PDE1A: variants seen among roughly 807,000 people sequenced by gnomAD.
The protein encoded by PDE1A is phosphodiesterase 1A.
PDE1A carries 35 observed loss-of-function variants against 61.7 expected under a neutral mutation model. The ratio of observed to expected loss-of-function variants is 0.57; its 90% CI spans 0.43 to 0.75. The LOEUF (loss-of-function observed/expected upper bound fraction) is 0.75, where lower values mean the gene tolerates loss of function less well. PDE1A is among the 30% of genes least tolerant of loss of function. PDE1A has a pLI of 0.00. For synonymous variants in PDE1A, 232 were observed against 213.2 expected, an observed-to-expected ratio of 1.09 and a Z score of -0.77; for missense variants, 597 against 630.6, an observed-to-expected ratio of 0.95 and a Z score of 0.57.
At chr2:182,209,264 A>T (rs186655889) in intron 7 of PDE1A, among the ~76,000 whole-genome samples, 1 of 152,168 alleles carries the variant, frequency 6.6e-6, no homozygotes, top group Admixed American at 6.5e-5. Flanking sequence ...AATGAGAACC[A>T]AGTGAAACAG....
At chr2:182,590,404 G>A in the PDE1A span, among the ~76,000 whole-genome samples, 1 of 151,970 alleles carries the variant, frequency 6.6e-6, no homozygotes, top group East Asian at 1.9e-4. Flanking sequence ...GGAGTTCAGG[G>A]CTGCAGTGAG....
the PDE1A span, among the ~76,000 whole-genome samples, chr2:182,551,334 A>G: frequency 6.6e-6 from 1 of 152,144 alleles, no homozygotes; most frequent in East Asian, 1.9e-4. Context: ...CAATAATGGG[A>G]TAATGTTGGA....
chr2:182,481,863 C>T (rs901726604), intron 2 of PDE1A, among the ~76,000 whole-genome samples: 8 of 151,890 alleles, frequency 5.3e-5, no homozygotes, highest in East Asian at 1.9e-4. Flanking sequence ...TAAGAGGCAT[C>T]TACTAGTTGG....
At chr2:182,589,283 G>GGAAGGAAGGAAA in the PDE1A span, among the ~76,000 whole-genome samples, 233 of 147,492 alleles carry the variant, frequency 1.6e-3, 1 homozygote, top group African/African-American at 5.6e-3. Context: ...AAGGAAGGAA[G>GGAAGGAAGGAAA]GAAGGAAGGA....
At chr2:182,603,012 T>C in the PDE1A span, among the ~76,000 whole-genome samples, 1 of 151,812 alleles carries the variant, frequency 6.6e-6, no homozygotes, top group Non-Finnish European at 1.5e-5. Context: ...CATACATACA[T>C]ACATACATAC....
At chr2:182,392,716 G>A (rs1341458702) in intron 1 of PDE1A, among the ~76,000 whole-genome samples, 18 of 152,250 alleles carry the variant, frequency 1.2e-4, no homozygotes, top group Admixed American at 1.2e-3. Context: ...TACCAAATGG[G>A]AGAAATTGGC....
At chr2:182,351,025 T>G (rs924380663) in intron 1 of PDE1A, among the ~76,000 whole-genome samples, 3 of 152,246 alleles carry the variant, frequency 2.0e-5, no homozygotes, top group African/African-American at 7.2e-5. Context: ...TGGTAAAAGA[T>G]GTTTTTGCTT....
the PDE1A span, among the ~76,000 whole-genome samples, chr2:182,604,010 C>T: frequency 6.6e-6 from 1 of 151,574 alleles, no homozygotes; most frequent in Non-Finnish European, 1.5e-5. Flanking sequence ...ATATACTATT[C>T]CTAGAAATTT....
chr2:182,525,666 CA>C (rs1394225258), upstream of PDE1A, among the ~76,000 whole-genome samples: 11 of 152,244 alleles, frequency 7.2e-5, no homozygotes, highest in Middle Eastern at 3.4e-3. Context: ...TTACAGCCTG[CA>C]GAACCATGAG....
intron 13 of PDE1A, among the ~76,000 whole-genome samples, chr2:182,185,191 GA>G (rs1553525331): frequency 6.6e-6 from 1 of 152,142 alleles, no homozygotes; most frequent in Non-Finnish European, 1.5e-5. Flanking sequence ...AAACTTCCAA[GA>G]GGCCATTGTG....
intron 1 of PDE1A, among the ~76,000 whole-genome samples, chr2:182,302,159 A>AT (rs1695285418): frequency 6.6e-6 from 1 of 152,146 alleles, no homozygotes; most frequent in African/African-American, 2.4e-5. Context: ...AGCCCTTAAC[A>AT]TTTCCATACA....
At chr2:182,647,118 A>G in the PDE1A span, among the ~76,000 whole-genome samples, 1 of 152,130 alleles carries the variant, frequency 6.6e-6, no homozygotes. Flanking sequence ...CCGAATTAGG[A>G]TTTTTAAGGC....
intron 1 of PDE1A, among the ~76,000 whole-genome samples, chr2:182,362,339 G>A (rs1194364838): frequency 4.6e-5 from 7 of 151,664 alleles, no homozygotes; most frequent in African/African-American, 9.7e-5. Context: ...CAGTAGCACG[G>A]GAAAAAAGTA....
the PDE1A span, among the ~76,000 whole-genome samples, chr2:182,700,038 CA>C: frequency 1.3e-5 from 2 of 152,200 alleles, no homozygotes; most frequent in Non-Finnish European, 2.9e-5. Flanking sequence ...CCTTATTCTC[CA>C]GCTTTTCTTT....
chr2:182,714,275 C>T, the PDE1A span, among the ~76,000 whole-genome samples: 4 of 152,146 alleles, frequency 2.6e-5, no homozygotes, highest in African/African-American at 9.7e-5. Context: ...TAGAATTCCC[C>T]AAGGTTTTAA....
At chr2:182,586,886 T>C in the PDE1A span, among the ~76,000 whole-genome samples, 2 of 152,206 alleles carry the variant, frequency 1.3e-5, no homozygotes, top group Non-Finnish European at 1.5e-5. Context: ...TATCCTAAAG[T>C]CTGGTTATAA....
chr2:182,431,670 A>G (rs1033032562), upstream of PDE1A, among the ~76,000 whole-genome samples: 27 of 152,132 alleles, frequency 1.8e-4, 1 homozygote, highest in Admixed American at 1.6e-3. Flanking sequence ...ACAACTGACT[A>G]AGAAGCTAGT....
At position 182,240,346 on chromosome 2, in the gene PDE1A, A is replaced by G; in HGVS notation, c.168-54T>C. 5 of 1,151,962 alleles carry G rather than the reference A, an allele frequency of 4.3e-6. 1 individual carries two copies. The highest frequency in any genetic ancestry group is 4.6e-4 in the Middle Eastern group (2 of 4,386). 71.4% of individuals were successfully genotyped at this position (1,151,962 alleles called of 1,614,324 possible). ...TTTATAAAAAAGTGAAGAAAAACATATAACAGAAAAACAAGGATTGCAATG... is the reference window on the plus strand; with the variant it reads ...TTTATAAAAAAGTGAAGAAAAACATGTAACAGAAAAACAAGGATTGCAATG... On this transcript the variant is annotated intron_variant, in intron 2 of 13. Transcript: ENST00000351439.
intron 1 of PDE1A, among the ~76,000 whole-genome samples, chr2:182,279,928 T>C (rs1693690367): frequency 6.6e-6 from 1 of 151,902 alleles, no homozygotes; most frequent in Non-Finnish European, 1.5e-5. Context: ...TTATTGATAC[T>C]GGATACCACC....
Sources: gnomAD v4.1 joint callset for allele counts (sites outside exome capture counted in the v4.1 genomes callset) on GRCh38, gnomAD v4.1.1 for gene constraint, MANE v1.5 for transcripts, NCBI Gene and HGNC (gene_info 2026-07-23, HGNC 2026-07-21) for gene names.